Variants in MNAT1 observed in about 807,000 individuals in gnomAD.
The protein encoded by MNAT1 is MNAT1 component of CDK activating kinase.
In MNAT1, 43 loss-of-function variants were observed where a neutral mutation model predicts 42.0. That is an observed-to-expected ratio of 1.02 (90% CI 0.80 to 1.32). The LOEUF (loss-of-function observed/expected upper bound fraction) is 1.32, where lower values mean the gene tolerates loss of function less well. Among genes scored for constraint, MNAT1 ranks in the 40% most tolerant of loss-of-function variants. The pLI is 0.00. For synonymous variants in MNAT1, 118 were observed against 120.0 expected (o/e 0.98, Z 0.11); for missense variants, 306 against 350.4 (o/e 0.87, Z 1.01).
chr14:60,902,120 T>A (rs954009224), intron 7 of MNAT1, among the ~76,000 whole-genome samples: 1 of 152,128 alleles, frequency 6.6e-6, no homozygotes, highest in Non-Finnish European at 1.5e-5. Context: ...GCAACCACCA[T>A]TGTGATCAGT....
chr14:60,739,567 A>C (rs1212085889), intron 1 of MNAT1, among the ~76,000 whole-genome samples: 1 of 152,134 alleles, frequency 6.6e-6, no homozygotes, highest in African/African-American at 2.4e-5. Context: ...AACATTATTA[A>C]ATACCTTTGT....
chr14:60,736,672 T>C (rs190465181), intron 1 of MNAT1, among the ~76,000 whole-genome samples: 4 of 152,294 alleles, frequency 2.6e-5, no homozygotes, highest in Admixed American at 2.6e-4. Flanking sequence ...AATGAGCCTG[T>C]CTGATTTCAC....
intron 6 of MNAT1, among the ~76,000 whole-genome samples, chr14:60,836,591 G>A (rs1341657957): frequency 6.6e-6 from 1 of 152,186 alleles, no homozygotes; most frequent in Admixed American, 6.5e-5. Context: ...AAAGATTGCC[G>A]GCTCTTCCTT....
intron 1 of MNAT1, among the ~76,000 whole-genome samples, chr14:60,757,650 T>C (rs1408860084): frequency 6.6e-6 from 1 of 152,324 alleles, no homozygotes; most frequent in Non-Finnish European, 1.5e-5. Context: ...GTTAATACTT[T>C]CCAAATTTTT....
intron 1 of MNAT1, among the ~76,000 whole-genome samples, chr14:60,766,404 A>G (rs1048464162): frequency 1.3e-5 from 2 of 150,770 alleles, no homozygotes; most frequent in African/African-American, 4.9e-5. Context: ...TTTTTTGGGT[A>G]TTCGTCTTGT....
chr14:60,865,984 A>T (rs887554238), intron 6 of MNAT1, among the ~76,000 whole-genome samples: 3 of 152,006 alleles, frequency 2.0e-5, no homozygotes, highest in Non-Finnish European at 4.4e-5. Context: ...CCCAAATTTC[A>T]TTTCTTCCAT....
chr14:60,931,427 G>T (rs1234927583), intron 7 of MNAT1, among the ~76,000 whole-genome samples: 1 of 152,092 alleles, frequency 6.6e-6, no homozygotes, highest in Non-Finnish European at 1.5e-5. Context: ...TGGGGACAGG[G>T]ACTGCATTTA....
At chr14:60,932,281 T>TA (rs753047365) in intron 7 of MNAT1, among the ~76,000 whole-genome samples, 60 of 152,148 alleles carry the variant, frequency 3.9e-4, no homozygotes, top group Non-Finnish European at 7.8e-4. Flanking sequence ...GAATAATATT[T>TA]AGTTTTTCTT....
intron 6 of MNAT1, among the ~76,000 whole-genome samples, chr14:60,824,167 T>A (rs1390838772): frequency 4.0e-5 from 6 of 151,836 alleles, no homozygotes; most frequent in African/African-American, 7.3e-5. Context: ...AAAAAAAAAA[T>A]AATAAATCAC....
intron 1 of MNAT1, among the ~76,000 whole-genome samples, chr14:60,793,609 G>A (rs1290986648): frequency 1.3e-5 from 2 of 152,090 alleles, no homozygotes; most frequent in African/African-American, 2.4e-5. Context: ...TTGGCCTCAA[G>A]CTATCTTCCT....
At chr14:60,816,094 T>A (rs2139359997) in intron 5 of MNAT1, among the ~76,000 whole-genome samples, 1 of 152,286 alleles carries the variant, frequency 6.6e-6, no homozygotes, top group South Asian at 2.1e-4. Context: ...TTATAATTAA[T>A]CTCTGGACCT....
At chr14:60,805,074 G>C (rs2032325277) in intron 3 of MNAT1, among the ~76,000 whole-genome samples, 1 of 152,000 alleles carries the variant, frequency 6.6e-6, no homozygotes, top group African/African-American at 2.4e-5. Flanking sequence ...CCTTTGCCAT[G>C]TTCAAATCAG....
chr14:60,812,869 C>A (rs180727222), intron 5 of MNAT1, among the ~76,000 whole-genome samples: 8 of 152,286 alleles, frequency 5.3e-5, no homozygotes, highest in Admixed American at 5.2e-4. Flanking sequence ...AAAATTATCA[C>A]CTTCGCCATC....
At chr14:60,913,778 A>G (rs978107882) in intron 7 of MNAT1, among the ~76,000 whole-genome samples, 1 of 152,046 alleles carries the variant, frequency 6.6e-6, no homozygotes, top group African/African-American at 2.4e-5. Context: ...GGGGTCAGGG[A>G]CCCTCTTGAG....
chr14:60,897,855 G>GT (rs1353306149), intron 7 of MNAT1, among the ~76,000 whole-genome samples: 1 of 152,064 alleles, frequency 6.6e-6, no homozygotes, highest in Non-Finnish European at 1.5e-5. Context: ...CTATCTAACT[G>GT]TAAGTTTATA....
chr14:60,935,533 A>G (rs1368357111), intron 7 of MNAT1, among the ~76,000 whole-genome samples: 4 of 152,178 alleles, frequency 2.6e-5, no homozygotes, highest in Non-Finnish European at 5.9e-5. Flanking sequence ...TTCAAGAAGT[A>G]GTATCTTCTC....
chr14:60,757,052 A>C (rs967171225), intron 1 of MNAT1, among the ~76,000 whole-genome samples: 13 of 152,324 alleles, frequency 8.5e-5, no homozygotes, highest in Non-Finnish European at 1.5e-4. Context: ...TTTCACTGAG[A>C]GAGAACAGGC....
intron 3 of MNAT1, among the ~76,000 whole-genome samples, chr14:60,799,644 C>G (rs993733253): frequency 1.1e-4 from 17 of 151,424 alleles, no homozygotes; most frequent in Admixed American, 4.6e-4. Flanking sequence ...AGGGGATGAA[C>G]TACAAGGAGA....
chr14:60,750,319 T>G (rs1270294142), intron 1 of MNAT1, among the ~76,000 whole-genome samples: 3 of 151,618 alleles, frequency 2.0e-5, no homozygotes, highest in Non-Finnish European at 4.4e-5. Flanking sequence ...CTTCGCCTCC[T>G]GGGTTCACGG....
Sources: gnomAD v4.1 joint callset for allele counts (sites outside exome capture counted in the v4.1 genomes callset) on GRCh38, gnomAD v4.1.1 for gene constraint, MANE v1.5 for transcripts, NCBI Gene and HGNC (gene_info 2026-07-23, HGNC 2026-07-21) for gene names.